The following PCDHGA7 variants were observed in gnomAD, a reference collection of about 807,000 sequenced individuals.
PCDHGA7 encodes protocadherin gamma subfamily A, 7, also known as protocadherin gamma-A7.
Under a neutral mutation model 58.3 loss-of-function variants are expected in PCDHGA7, and 44 were observed. That is an observed-to-expected ratio of 0.75 (90% CI 0.59 to 0.97). The LOEUF is 0.97. PCDHGA7 is among the 50% of genes least tolerant of loss of function. PCDHGA7 has a pLI of 0.00. For synonymous variants in PCDHGA7, 516 were observed against 504.2 expected (o/e 1.02, Z -0.31); for missense variants, 1,266 against 1,188.7 (o/e 1.06, Z -0.96).
In PCDHGA7 at chr5:141,493,521, G is replaced by A. The variant is rs967636266; in HGVS notation, c.2425-1286G>A. Among the ~76,000 whole-genome samples the A allele has an allele frequency of 3.9e-5, 6 of 152,242 alleles. No homozygotes were observed. In the East Asian group the frequency reaches 7.7e-4, roughly 20 times the overall value. The stretch of plus-strand genomic sequence containing the variant: ...CTCATTTCTGAGCAGTCCCCGCAGC[G>A]CAAACTTGGCCAGTTATCCTTTTGG... On this transcript the variant is annotated intron_variant, in intron 1 of 3. Coordinates refer to ENST00000518325, the MANE Select transcript of PCDHGA7 (RefSeq NM_018920.4). This position sits in a 1 kb window ranked among gnomAD's most constrained non-coding sequence, Gnocchi z 4.3.
In PCDHGA7 at chr5:141,419,984, C is replaced by A. The variant is rs918632592; in HGVS notation, c.2424+34661C>A. ...TGTGCTCTTTCTCCTCGCGGTGATT[C>A]TAGCTATTGCTCTACGCCTGCGACA... On this transcript the variant is annotated intron_variant, in intron 1 of 3. Transcript: ENST00000518325. 27 of 1,613,962 alleles carry A rather than the reference C, an allele frequency of 1.7e-5. No individual in the cohort carries two copies. The highest frequency in any genetic ancestry group is 2.2e-5 in the Non-Finnish European group (26 of 1,179,912).
chr5:141,400,515 T>C lies in PCDHGA7; in HGVS notation c.2424+15192T>C, dbSNP rs367864769. On this transcript the variant is annotated intron_variant, in intron 1 of 3. Coordinates refer to ENST00000518325, the MANE Select transcript of PCDHGA7 (RefSeq NM_018920.4). ...GTAATTCCAGCGAGTCGACTTCCCATCCTGAGTTGGTGAGTTTCATTTATG... is the reference window on the plus strand; with the variant it reads ...GTAATTCCAGCGAGTCGACTTCCCACCCTGAGTTGGTGAGTTTCATTTATG... 2,129 of 1,613,988 alleles carry C rather than the reference T, an allele frequency of 1.3e-3. 41 individuals are homozygous for C. In the South Asian group the frequency reaches 0.02, roughly 15 times the overall value.
At chr5:141,389,860 ACC>A (rs2091950057) in intron 1 of PCDHGA7, 1 of 1,613,934 alleles carries the variant, frequency 6.2e-7, no homozygotes, top group Non-Finnish European at 8.5e-7. Context: ...GCCACGTTGC[ACC>A]TGGTCTTCGC....
At chr5:141,399,806 A>G in intron 1 of PCDHGA7, 1 of 1,613,106 alleles carries the variant, frequency 6.2e-7, no homozygotes, top group Non-Finnish European at 8.5e-7. Context: ...CGGGTGCTGT[A>G]CCCCGCGCTG....
Position 141,485,072 on chromosome 5 carries a change from G to C in PCDHGA7, c.2425-9735G>C. 1.1e-6 allele frequency: 1 copy of C among 917,012 alleles called. No individual in the cohort carries two copies. The highest frequency in any genetic ancestry group is 1.7e-6 in the Non-Finnish European group (1 of 587,880). 56.8% of individuals were successfully genotyped at this position (917,012 alleles called of 1,614,324 possible). On this transcript the variant is annotated intron_variant, in intron 1 of 3. Coordinates refer to ENST00000518325, the MANE Select transcript of PCDHGA7 (RefSeq NM_018920.4). The surrounding 1 kb of genome is among the most constrained non-coding windows in gnomAD (Gnocchi z 5.7). ...CCGGCCGAACCGCGCCAGAGCTGGCGCGGGGAAAGGGAGATAGGTGTCTCC... is the reference window on the plus strand; with the variant it reads ...CCGGCCGAACCGCGCCAGAGCTGGCCCGGGGAAAGGGAGATAGGTGTCTCC...
chr5:141,421,586 T>A (rs750525078), intron 1 of PCDHGA7: 2 of 1,613,602 alleles, frequency 1.2e-6, no homozygotes, highest in Admixed American at 3.3e-5. Context: ...ATTTACGGAG[T>A]GGAGGTGGAA....
chr5:141,423,139 G>A (rs2096713828), intron 1 of PCDHGA7: 2 of 1,613,616 alleles, frequency 1.2e-6, no homozygotes, highest in Middle Eastern at 1.7e-4. Flanking sequence ...GGACAGAGAC[G>A]CGCTCAAGCA....
At chr5:141,435,719 C>T (rs890713374) in intron 1 of PCDHGA7, among the ~76,000 whole-genome samples, 6 of 152,156 alleles carry the variant, frequency 3.9e-5, no homozygotes, top group Admixed American at 3.3e-4. Context: ...ACACTGAATG[C>T]TAAAGTGTAT....
intron 2 of PCDHGA7, among the ~76,000 whole-genome samples, chr5:141,497,735 C>T (rs1299892535): frequency 2.6e-5 from 4 of 152,144 alleles, no homozygotes; most frequent in Non-Finnish European, 4.4e-5. Flanking sequence ...AGATGGGTTT[C>T]GCCACGTTGG....
chr5:141,505,590 A>G, intron 3 of PCDHGA7, 109 bp downstream of exon 3: 1 of 1,571,996 alleles, frequency 6.4e-7, no homozygotes, highest in East Asian at 2.3e-5. Context: ...TAGTTTCTCC[A>G]GATCTTTCGG....
rs767108870 is a variant in PCDHGA7 at position 141,485,169 on chromosome 5, C to T, written c.2425-9638C>T. On this transcript the variant is annotated intron_variant, in intron 1 of 3. Transcript: ENST00000518325. This position sits in a 1 kb window ranked among gnomAD's most constrained non-coding sequence, Gnocchi z 5.7. ...GAGCAAGTAGAGAATTAGCGGGCGG[C>T]AGCAATGCTCCGCAAGGTGAGAAGC... The T allele has an allele frequency of 6.2e-7, 1 of 1,608,524 alleles. No homozygotes were observed. Among genetic ancestry groups the T allele is most frequent in the South Asian group, 1.1e-5 (1 of 90,730 alleles).
chr5:141,422,479 A>G, intron 1 of PCDHGA7: 1 of 1,613,890 alleles, frequency 6.2e-7, no homozygotes, highest in Non-Finnish European at 8.5e-7. Flanking sequence ...GTTGGTCCAG[A>G]GCTACAATAT....
intron 1 of PCDHGA7, among the ~76,000 whole-genome samples, chr5:141,397,021 AC>A (rs1313075505): frequency 6.6e-6 from 1 of 152,234 alleles, no homozygotes; most frequent in Non-Finnish European, 1.5e-5. Context: ...AAGAAGGTTG[AC>A]CAATGTCCAC....
At chr5:141,413,606 T>C (rs756987695) in intron 1 of PCDHGA7, 1 of 1,613,848 alleles carries the variant, frequency 6.2e-7, no homozygotes, top group Admixed American at 1.7e-5. Context: ...AATCTAGACG[T>C]AAAAATTAAT....
In PCDHGA7 at chr5:141,443,822, A is replaced by G. The variant is rs183934410; in HGVS notation, c.2425-50985A>G. ...GAAACAGTTACCTTTGGAAAACATAATTAGGTAAAATGGGTAATATGGAAA... is the reference window on the plus strand; with the variant it reads ...GAAACAGTTACCTTTGGAAAACATAGTTAGGTAAAATGGGTAATATGGAAA... On this transcript the variant is annotated intron_variant, in intron 1 of 3. Coordinates refer to ENST00000518325, the MANE Select transcript of PCDHGA7 (RefSeq NM_018920.4). Among the ~76,000 whole-genome samples, 330 of 152,316 alleles carry G rather than the reference A, an allele frequency of 2.2e-3. 2 individuals carry two copies. Among genetic ancestry groups the G allele is most frequent in the Non-Finnish European group, 4.1e-3 (279 of 68,018 alleles).
intron 1 of PCDHGA7, chr5:141,441,731 C>G: frequency 2.8e-6 from 1 of 362,226 alleles, no homozygotes; most frequent in South Asian, 2.2e-5. Context: ...GCGACCAGGA[C>G]TAGCTCGCGC....
chr5:141,403,052 T>G (rs1336291522), intron 1 of PCDHGA7: 4 of 1,614,066 alleles, frequency 2.5e-6, no homozygotes, highest in Admixed American at 1.7e-5. Context: ...GATTCGCTAC[T>G]CAGTGCCTGA....
intron 1 of PCDHGA7, chr5:141,409,795 G>A (rs764584425): frequency 1.2e-6 from 2 of 1,611,722 alleles, no homozygotes; most frequent in Admixed American, 1.7e-5. Context: ...TCGCGCTCAC[G>A]CTGCAGGCCC....
Position 141,491,722 on chromosome 5 carries a change from C to G in PCDHGA7, c.2425-3085C>G, listed in dbSNP as rs1276921909. ...CCAGGTGAGGGGCTCGGCGCCGCCC[C>G]GGGCGACCCCTGGGGGCGGCACTGG... On this transcript the variant is annotated intron_variant, in intron 1 of 3. Transcript: ENST00000518325. This position sits in a 1 kb window ranked among gnomAD's most constrained non-coding sequence, Gnocchi z 6.9. 2 of 1,607,004 alleles carry G rather than the reference C, an allele frequency of 1.2e-6. No homozygotes were observed. The highest frequency in any genetic ancestry group is 1.7e-5 in the Admixed American group (1 of 58,788).
Sources: gnomAD v4.1 joint callset for allele counts (sites outside exome capture counted in the v4.1 genomes callset) on GRCh38, gnomAD v4.1.1 for gene constraint, Gnocchi (gnomAD v3.1) non-coding constraint, MANE v1.5 for transcripts, NCBI Gene and HGNC (gene_info 2026-07-23, HGNC 2026-07-21) for gene names.